The following STK4 variants were observed in gnomAD, a reference collection of about 807,000 sequenced individuals.
The protein encoded by STK4 is serine/threonine kinase 4.
STK4 carries 30 observed loss-of-function variants against 64.9 expected under a neutral mutation model. That is an observed-to-expected ratio of 0.46 (90% CI 0.35 to 0.63). STK4 has a LOEUF of 0.63. Ranked by LOEUF, STK4 falls within the 20% of genes least tolerant of loss-of-function variation. The pLI, the probability that STK4 is intolerant of heterozygous loss-of-function variation, is 0.01. For missense variants in STK4, 466 were observed against 598.5 expected (o/e 0.78, Z 2.31); for synonymous variants, 177 against 199.0 (o/e 0.89, Z 0.93).
At chr20:44,969,000 G>C (rs2067200983) in intron 1 of STK4, among the ~76,000 whole-genome samples, 1 of 152,108 alleles carries the variant, frequency 6.6e-6, no homozygotes, top group South Asian at 2.1e-4. Context: ...GCCTTTGCTT[G>C]ACTCGTAGAT....
At chr20:45,002,871 A>G (rs1409167719) in intron 9 of STK4, among the ~76,000 whole-genome samples, 1 of 152,094 alleles carries the variant, frequency 6.6e-6, no homozygotes, top group Non-Finnish European at 1.5e-5. Flanking sequence ...TTTATAGGAC[A>G]TGCTATGACA....
At chr20:44,982,264 G>A (rs2067455760) in intron 4 of STK4, among the ~76,000 whole-genome samples, 1 of 151,322 alleles carries the variant, frequency 6.6e-6, no homozygotes, top group African/African-American at 2.4e-5. Context: ...CTACAGGCGT[G>A]TACCACCATG....
At chr20:45,010,535 G>A (rs2068026642) in intron 9 of STK4, among the ~76,000 whole-genome samples, 1 of 152,108 alleles carries the variant, frequency 6.6e-6, no homozygotes, top group Admixed American at 6.5e-5. Flanking sequence ...GTGGTAAATT[G>A]AACCATTCCC....
At chr20:45,072,781 A>G (rs1193442730) in intron 10 of STK4, among the ~76,000 whole-genome samples, 3 of 152,256 alleles carry the variant, frequency 2.0e-5, no homozygotes, top group Non-Finnish European at 4.4e-5. Flanking sequence ...TTACAGAAAC[A>G]GCTTATTTAT....
At position 45,075,112 on chromosome 20, in the gene STK4, A is replaced by G. The variant is rs1488185624; in HGVS notation, c.1400A>G (p.Gln467Arg). ...QEIEEIRQKY[Q>R]SKRQPILDAI... is the part of the protein sequence containing the mutation. ...ATTGAAGAGATCCGGCAGAAGTACC[A>G]GTCCAAGCGGCAGCCCATCCTGGAT... Residue 467 changes from glutamine to arginine, a missense_variant, in exon 11 of 11, where the codon CAG (glutamine) becomes CGG (arginine). Physicochemically the swap from Gln to Arg is conservative, Grantham distance 43. This residue lies in a region of STK4 where 276 missense variants were observed against 308.9 expected (regional missense o/e 0.89). Coordinates refer to ENST00000372806, the MANE Select transcript of STK4 (RefSeq NM_006282.5). The G allele has an allele frequency of 1.9e-6, 3 of 1,614,212 alleles. No individual in the cohort carries two copies. The highest frequency in any genetic ancestry group is 2.5e-6 in the Non-Finnish European group (3 of 1,180,032).
At chr20:44,975,874 G>A (rs2145639483) in intron 2 of STK4, among the ~76,000 whole-genome samples, 1 of 152,338 alleles carries the variant, frequency 6.6e-6, no homozygotes, top group African/African-American at 2.4e-5. Context: ...TCGACAGTGA[G>A]TGTGGTATAG....
At chr20:45,068,034 A>C (rs1979731801) in intron 10 of STK4, among the ~76,000 whole-genome samples, 1 of 152,178 alleles carries the variant, frequency 6.6e-6, no homozygotes, top group East Asian at 1.9e-4. Flanking sequence ...GGTAGCCTTC[A>C]CTTACCCACT....
Position 44,978,434 on chromosome 20 carries a change from A to G in STK4, c.117-9A>G, listed in dbSNP as rs563139149. ...CTTTATAAATGTTCTTCTTCTCCCA[A>G]ATGTATAGGTCCTATGGCAGCGTAT... On this transcript the variant is annotated splice_polypyrimidine_tract_variant and intron_variant, in intron 2 of 10. Transcript: ENST00000372806. 3 of 1,601,854 alleles carry G rather than the reference A, an allele frequency of 1.9e-6. No homozygotes were observed. Among genetic ancestry groups the G allele is most frequent in the Admixed American group, 1.8e-5 (1 of 56,514 alleles).
intron 4 of STK4, 112 bp downstream of exon 4, chr20:44,982,055 C>A: frequency 1.5e-6 from 1 of 676,092 alleles, no homozygotes; most frequent in South Asian, 1.7e-5. Context: ...CAGATTTCCC[C>A]TTTTCCATGG....
intron 10 of STK4, among the ~76,000 whole-genome samples, chr20:45,041,786 A>T (rs1346948353): frequency 6.6e-6 from 1 of 151,966 alleles, no homozygotes; most frequent in Non-Finnish European, 1.5e-5. Context: ...GACTCTAGTC[A>T]TAACATCACG....
At chr20:45,042,840 T>C (rs188054042) in intron 10 of STK4, among the ~76,000 whole-genome samples, 93 of 148,928 alleles carry the variant, frequency 6.2e-4, no homozygotes, top group African/African-American at 2.4e-3. Context: ...CTTTTTCTTT[T>C]TTAAAAATTT....
chr20:44,973,052 T>G (rs1447672741), intron 2 of STK4: 1 of 152,174 alleles, frequency 6.6e-6, no homozygotes, highest in Non-Finnish European at 1.5e-5. Context: ...TGTCTGTATT[T>G]TTAATCCCTT....
intron 10 of STK4, among the ~76,000 whole-genome samples, chr20:45,063,459 C>T (rs1008286691): frequency 2.0e-5 from 3 of 152,074 alleles, no homozygotes; most frequent in Non-Finnish European, 4.4e-5. Context: ...CTTATAAATT[C>T]GTTTAAGTTC....
chr20:45,071,738 G>A (rs1489744376), intron 10 of STK4, among the ~76,000 whole-genome samples: 1 of 152,104 alleles, frequency 6.6e-6, no homozygotes, highest in African/African-American at 2.4e-5. Flanking sequence ...AGAAATACCT[G>A]TATAGCTTCT....
At chr20:45,044,779 AG>A (rs2068667611) in intron 10 of STK4, among the ~76,000 whole-genome samples, 1 of 152,234 alleles carries the variant, frequency 6.6e-6, no homozygotes, top group Admixed American at 6.5e-5. Context: ...CATAAGAAGA[AG>A]GGTGAATGGC....
intron 10 of STK4, among the ~76,000 whole-genome samples, chr20:45,045,316 A>G (rs1409003832): frequency 6.6e-6 from 1 of 152,202 alleles, no homozygotes; most frequent in Non-Finnish European, 1.5e-5. Flanking sequence ...GAGGAACTGG[A>G]GCCCAGAGAC....
intron 10 of STK4, among the ~76,000 whole-genome samples, chr20:45,063,012 TTTTTTTTG>T (rs1979223758): frequency 9.4e-6 from 1 of 106,816 alleles, no homozygotes; most frequent in Admixed American, 8.9e-5. Flanking sequence ...TTTTTTTTTT[TTTTTTTTG>T]GACACAGGGT....
At chr20:45,046,901 TG>T (rs1432932798) in intron 10 of STK4, among the ~76,000 whole-genome samples, 14 of 152,048 alleles carry the variant, frequency 9.2e-5, no homozygotes, top group Non-Finnish European at 7.4e-5. Context: ...AGGCTGGTCT[TG>T]AACTCCTGAC....
chr20:44,997,958 A>G (rs1031214709), intron 7 of STK4, among the ~76,000 whole-genome samples: 3 of 152,194 alleles, frequency 2.0e-5, no homozygotes, highest in African/African-American at 7.2e-5. Flanking sequence ...ATGGAAACTT[A>G]GGGAGGTTTA....
Sources: gnomAD v4.1 joint callset for allele counts (sites outside exome capture counted in the v4.1 genomes callset) on GRCh38, gnomAD v4.1.1 for gene constraint, gnomAD v4.1.1 regional missense constraint, MANE v1.5 for transcripts, NCBI Gene and HGNC (gene_info 2026-07-23, HGNC 2026-07-21) for gene names.